The following TF variants were observed in gnomAD, a reference collection of about 807,000 sequenced individuals.
TF encodes serotransferrin.
A neutral mutation model predicts 82.4 loss-of-function variants in TF; 55 were observed. That is an observed-to-expected ratio of 0.67 (90% CI 0.54 to 0.84). TF has a LOEUF of 0.84. TF is among the 40% of genes least tolerant of loss of function. The pLI, the probability that TF is intolerant of heterozygous loss-of-function variation, is 0.00. For missense variants in TF, 737 were observed against 868.4 expected (o/e 0.85, Z 1.90); for synonymous variants, 332 against 332.6 (o/e 1.00, Z 0.02).
the TF span, among the ~76,000 whole-genome samples, chr3:133,684,069 C>T: frequency 6.6e-6 from 1 of 152,220 alleles, no homozygotes; most frequent in East Asian, 1.9e-4. Context: ...TGCTCAACTA[C>T]ATGGAAACAG....
At chr3:133,744,241 G>A (rs539806634), upstream of TF, among the ~76,000 whole-genome samples, 2 of 152,344 alleles carry the variant, frequency 1.3e-5, no homozygotes, top group South Asian at 2.1e-4. Flanking sequence ...TGGCCTCAGC[G>A]GGGCTTAGTC....
intron 9 of TF, chr3:133,762,090 G>A (rs573041537): frequency 9.8e-6 from 2 of 203,800 alleles, no homozygotes; most frequent in East Asian, 2.5e-4. Flanking sequence ...TAGAGATGCT[G>A]AAGAGTTTGA....
chr3:133,726,128 T>C, the TF span, among the ~76,000 whole-genome samples: 3 of 152,204 alleles, frequency 2.0e-5, no homozygotes, highest in East Asian at 3.8e-4. Flanking sequence ...CTTTTTTGAT[T>C]GTGTCTCTGC....
the TF span, among the ~76,000 whole-genome samples, chr3:133,732,175 A>G: frequency 6.6e-6 from 1 of 152,242 alleles, no homozygotes; most frequent in African/African-American, 2.4e-5. Context: ...TAGGTGATTT[A>G]CAGTAATTAC....
chr3:133,742,080 C>A (rs139015622), upstream of TF, among the ~76,000 whole-genome samples: 2,007 of 152,268 alleles, frequency 0.013, 40 homozygotes, highest in African/African-American at 0.045. Context: ...AACTCCTGGG[C>A]TCAAGCAATC....
intron 14 of TF, chr3:133,774,525 A>G (rs1407391436): frequency 1.3e-5 from 2 of 152,432 alleles, no homozygotes; most frequent in Non-Finnish European, 2.9e-5. Context: ...ACTAAACAAA[A>G]TTAGAAACAT....
At chr3:133,664,098 G>C in the TF span, among the ~76,000 whole-genome samples, 1 of 152,142 alleles carries the variant, frequency 6.6e-6, no homozygotes, top group Non-Finnish European at 1.5e-5. Flanking sequence ...AAATTCTTGG[G>C]CTCCACTTCA....
chr3:133,751,360 G>A (rs927013098), intron 2 of TF, among the ~76,000 whole-genome samples: 1 of 150,668 alleles, frequency 6.6e-6, no homozygotes, highest in African/African-American at 2.4e-5. Flanking sequence ...AGCCTCCCGT[G>A]TAGCTGGGAC....
chr3:133,729,232 T>C, the TF span, among the ~76,000 whole-genome samples: 1 of 152,198 alleles, frequency 6.6e-6, no homozygotes, highest in Non-Finnish European at 1.5e-5. Flanking sequence ...ACTGCTGTCT[T>C]TTTGTTTGTC....
At chr3:133,743,211 T>C (rs1183091747), upstream of TF, among the ~76,000 whole-genome samples, 1 of 152,246 alleles carries the variant, frequency 6.6e-6, no homozygotes, top group Non-Finnish European at 1.5e-5. Flanking sequence ...TTATCTTGCA[T>C]GGCTGCCCCA....
chr3:133,683,571 A>G, the TF span, among the ~76,000 whole-genome samples: 3 of 152,218 alleles, frequency 2.0e-5, no homozygotes, highest in African/African-American at 4.8e-5. Flanking sequence ...GATAAAACAG[A>G]CTTTAAACCA....
rs779028974 is a variant in TF at position 133,790,572 on chromosome 3, A to G, written c.*11952A>G. ...TAAAACCTGATAGAGAATTGGAGATATTTGGCTAATTAACATTTTCATAGT... is the reference window on the plus strand; with the variant it reads ...TAAAACCTGATAGAGAATTGGAGATGTTTGGCTAATTAACATTTTCATAGT... On this transcript the variant is annotated 3_prime_UTR_variant, in exon 17 of 17. Coordinates refer to ENST00000402696, the MANE Select transcript of TF (RefSeq NM_001063.4). 2.3e-4 allele frequency: 35 copies of G among 152,244 alleles called. No homozygotes were observed. The highest frequency in any genetic ancestry group is 4.4e-4 in the Non-Finnish European group (30 of 68,048). 9.4% of individuals were successfully genotyped at this position (152,244 alleles called of 1,614,324 possible). A position where few individuals can be genotyped will look rare whatever the true frequency, so the allele number is the denominator to read the frequency against.
chr3:133,708,717 T>C, the TF span, among the ~76,000 whole-genome samples: 5 of 150,340 alleles, frequency 3.3e-5, no homozygotes, highest in East Asian at 9.7e-4. Flanking sequence ...TGTATATATG[T>C]ATAAATACAT....
At chr3:133,769,703 G>C (rs1934213494) in intron 13 of TF, among the ~76,000 whole-genome samples, 1 of 152,192 alleles carries the variant, frequency 6.6e-6, no homozygotes, top group Non-Finnish European at 1.5e-5. Context: ...TGGAGAGCAG[G>C]GTTCAGTCCA....
the TF span, among the ~76,000 whole-genome samples, chr3:133,675,672 C>G: frequency 5.9e-5 from 9 of 152,230 alleles, no homozygotes; most frequent in Non-Finnish European, 1.2e-4. Context: ...CAGCTGTTAA[C>G]TACACCTGGT....
chr3:133,725,184 T>C, the TF span, among the ~76,000 whole-genome samples: 3 of 152,002 alleles, frequency 2.0e-5, no homozygotes, highest in Non-Finnish European at 4.4e-5. Context: ...TTTTTCCAAT[T>C]CTGTGAAGAA....
chr3:133,696,815 A>G, the TF span, among the ~76,000 whole-genome samples: 1 of 151,332 alleles, frequency 6.6e-6, no homozygotes, highest in Non-Finnish European at 1.5e-5. Context: ...TACATTTATG[A>G]AAAAAACCCA....
the TF span, among the ~76,000 whole-genome samples, chr3:133,701,559 G>A: frequency 6.6e-6 from 1 of 152,200 alleles, no homozygotes; most frequent in Admixed American, 6.5e-5. Context: ...TGGGTGAGGG[G>A]AGAGCAAGCA....
At chr3:133,774,482 A>G (rs1452848148) in intron 14 of TF, 2 of 152,330 alleles carry the variant, frequency 1.3e-5, no homozygotes, top group African/African-American at 2.4e-5. Flanking sequence ...TTGAAAAAAA[A>G]GCTACAGAGT....
Sources: gnomAD v4.1 joint callset for allele counts (sites outside exome capture counted in the v4.1 genomes callset) on GRCh38, gnomAD v4.1.1 for gene constraint, MANE v1.5 for transcripts, NCBI Gene and HGNC (gene_info 2026-07-23, HGNC 2026-07-21) for gene names.